The following ARHGEF7 variants were observed in gnomAD, a reference collection of about 807,000 sequenced individuals.
ARHGEF7 encodes the protein Rho guanine nucleotide exchange factor 7, also known as PAK-interacting exchange factor beta.
A neutral mutation model predicts 109.8 loss-of-function variants in ARHGEF7; 33 were observed. The observed-to-expected ratio is 0.30, with a 90% CI of 0.23 to 0.40. The LOEUF is 0.40. Ranked by LOEUF, ARHGEF7 falls within the 10% of genes least tolerant of loss-of-function variation. The pLI is 1.00. For synonymous variants in ARHGEF7, 458 were observed against 424.6 expected, an observed-to-expected ratio of 1.08 and a Z score of -0.97; for missense variants, 938 against 1,098.5, an observed-to-expected ratio of 0.85 and a Z score of 2.07.
chr13:111,168,709 AG>A, intron 2 of ARHGEF7, among the ~76,000 whole-genome samples: 1 of 152,352 alleles, frequency 6.6e-6, no homozygotes, highest in Middle Eastern at 3.4e-3. Flanking sequence ...AGTTTTTTGA[AG>A]CTTGAGAGAT....
At chr13:111,241,644 C>A (rs973250041) in intron 6 of ARHGEF7, among the ~76,000 whole-genome samples, 1 of 152,190 alleles carries the variant, frequency 6.6e-6, no homozygotes, top group African/African-American at 2.4e-5. Context: ...CTACAACCAG[C>A]GCTTAGTGCT....
At chr13:111,290,820 T>C (rs955313905) in intron 18 of ARHGEF7, among the ~76,000 whole-genome samples, 1 of 152,168 alleles carries the variant, frequency 6.6e-6, no homozygotes, top group Admixed American at 6.5e-5. Context: ...AACCTAACAC[T>C]CAAAACTAGG....
At chr13:111,240,456 G>A (rs1026399757) in intron 6 of ARHGEF7, among the ~76,000 whole-genome samples, 2 of 152,110 alleles carry the variant, frequency 1.3e-5, no homozygotes, top group Admixed American at 1.3e-4. Flanking sequence ...CCGTGTGGTC[G>A]GGGAGCCACT....
At chr13:111,294,915 T>C in intron 19 of ARHGEF7, 9 of 985,880 alleles carry the variant, frequency 9.1e-6, no homozygotes, top group South Asian at 4.7e-5. Context: ...CTATATTAAT[T>C]GTGTTTTGCA....
chr13:111,292,609 T>C (rs2093324587), intron 19 of ARHGEF7: 7 of 1,238,354 alleles, frequency 5.7e-6, no homozygotes, highest in Middle Eastern at 3.2e-4. Flanking sequence ...AAATGGTTTT[T>C]TTATTCTCAG....
intron 1 of ARHGEF7, among the ~76,000 whole-genome samples, chr13:111,127,875 T>C (rs2067684109): frequency 6.6e-6 from 1 of 152,106 alleles, no homozygotes; most frequent in Non-Finnish European, 1.5e-5. Context: ...TAAGATATCA[T>C]AACCAAGAAG....
intron 8 of ARHGEF7, among the ~76,000 whole-genome samples, chr13:111,261,903 A>G (rs973880655): frequency 1.4e-4 from 21 of 152,214 alleles, no homozygotes; most frequent in African/African-American, 2.4e-5. Context: ...AAATTTAAAA[A>G]TTTCTTGAAA....
intron 2 of ARHGEF7, among the ~76,000 whole-genome samples, chr13:111,197,024 G>A (rs573226234): frequency 2.6e-5 from 4 of 151,018 alleles, no homozygotes; most frequent in South Asian, 4.2e-4. Context: ...TGCATTTCAA[G>A]GGTGAGCATG....
At position 111,272,719 on chromosome 13, in the gene ARHGEF7, G is replaced by A. The variant is rs775286673; in HGVS notation, c.1074-1095G>A. 2.0e-5 allele frequency among the ~76,000 whole-genome samples: 3 copies of A among 152,136 alleles called. No homozygotes were observed. Among genetic ancestry groups the A allele is most frequent in the Non-Finnish European group, 2.9e-5 (2 of 68,030 alleles). On this transcript the variant is annotated intron_variant, in intron 9 of 21. Coordinates refer to ENST00000646102, the MANE Select transcript of ARHGEF7 (RefSeq NM_001354046.2). The surrounding 1 kb of genome is among the most constrained non-coding windows in gnomAD (Gnocchi z 5.2). ...TCTGGACCTGGCATCGGCTGCCAGC[G>A]CTGGTGCTGCCTCCCCTCCTTTCTG...
In ARHGEF7 at chr13:111,266,422, G is replaced by A. The variant is rs1459491130; in HGVS notation, c.951-1126G>A. Among the ~76,000 whole-genome samples the A allele has an allele frequency of 1.3e-5, 2 of 152,066 alleles. No individual in the cohort carries two copies. The highest frequency in any genetic ancestry group is 4.8e-5 in the African/African-American group (2 of 41,396). On this transcript the variant is annotated intron_variant, in intron 8 of 21. Transcript: ENST00000646102. The surrounding 1 kb of genome is among the most constrained non-coding windows in gnomAD (Gnocchi z 4.8). ...CGCTCTTGTGCCTTGCACTCTTTCT[G>A]TTTAGTCGTGTGATGATTTCTTTGA...
chr13:111,238,830 C>T (rs2087237752), intron 6 of ARHGEF7, among the ~76,000 whole-genome samples: 2 of 151,812 alleles, frequency 1.3e-5, no homozygotes, highest in Non-Finnish European at 2.9e-5. Context: ...CCCTGCTCAG[C>T]GATATACACT....
chr13:111,143,167 C>A (rs1299716474), intron 1 of ARHGEF7, among the ~76,000 whole-genome samples: 1 of 152,232 alleles, frequency 6.6e-6, no homozygotes, highest in Non-Finnish European at 1.5e-5. Context: ...AGCTGCCATT[C>A]TCACCAAGGT....
chr13:111,221,493 ATATATATATC>A (rs1491588738), intron 5 of ARHGEF7, among the ~76,000 whole-genome samples: 3 of 43,586 alleles, frequency 6.9e-5, no homozygotes, highest in Non-Finnish European at 9.4e-5. Flanking sequence ...ATATATAGAC[ATATATATATC>A]TATATATATA....
intron 1 of ARHGEF7, among the ~76,000 whole-genome samples, chr13:111,133,757 TTTTC>T (rs1396982877): frequency 7.8e-5 from 9 of 115,836 alleles, no homozygotes; most frequent in Non-Finnish European, 1.0e-4. Flanking sequence ...GAGAATCTGC[TTTTC>T]TTTATATATA....
rs79124232 is a variant in ARHGEF7, at chr13:111,174,399, C to G, written c.252+20408C>G. Among the ~76,000 whole-genome samples, 191 of 152,288 alleles carry G rather than the reference C, an allele frequency of 1.3e-3. 6 individuals carry two copies. In the East Asian group the frequency reaches 0.032, roughly 25 times the overall value. On this transcript the variant is annotated intron_variant, in intron 2 of 21. Transcript: ENST00000646102. ...GAATTCTTCAAGGCTTTTTTCTCCCCCTTTGGTCCTTGACAGATTTCTGCC... is the reference window on the plus strand; with the variant it reads ...GAATTCTTCAAGGCTTTTTTCTCCCGCTTTGGTCCTTGACAGATTTCTGCC...
chr13:111,132,564 G>A (rs542877017), intron 1 of ARHGEF7, among the ~76,000 whole-genome samples: 46 of 152,276 alleles, frequency 3.0e-4, no homozygotes, highest in African/African-American at 1.1e-3. Flanking sequence ...AGAATGTTAT[G>A]AATACACTTG....
intron 1 of ARHGEF7, among the ~76,000 whole-genome samples, chr13:111,135,744 G>C (rs2075053790): frequency 6.6e-6 from 1 of 152,186 alleles, no homozygotes; most frequent in Admixed American, 6.5e-5. Flanking sequence ...TCTGCAAACA[G>C]GGACAATTTG....
chr13:111,271,346 C>T (rs565242604), intron 9 of ARHGEF7, among the ~76,000 whole-genome samples: 7 of 152,176 alleles, frequency 4.6e-5, no homozygotes, highest in South Asian at 4.2e-4. Flanking sequence ...CCCATCTTCC[C>T]GGGGAAGGTG....
intron 13 of ARHGEF7, among the ~76,000 whole-genome samples, chr13:111,279,785 TTC>T (rs1375927227): frequency 1.3e-5 from 2 of 152,226 alleles, no homozygotes; most frequent in African/African-American, 4.8e-5. Context: ...ACTACTTATT[TTC>T]TGTTTTACAA....
Sources: gnomAD v4.1 joint callset for allele counts (sites outside exome capture counted in the v4.1 genomes callset) on GRCh38, gnomAD v4.1.1 for gene constraint, Gnocchi (gnomAD v3.1) non-coding constraint, MANE v1.5 for transcripts, NCBI Gene and HGNC (gene_info 2026-07-23, HGNC 2026-07-21) for gene names.